RGS10: variants seen among roughly 807,000 people sequenced by gnomAD.
The protein encoded by RGS10 is regulator of G-protein signalling 10.
In RGS10, 11 loss-of-function variants were observed where a neutral mutation model predicts 23.5. That is an observed-to-expected ratio of 0.47 (90% CI 0.29 to 0.77). The LOEUF (loss-of-function observed/expected upper bound fraction) is 0.77. Ranked by LOEUF, RGS10 falls within the 30% of genes least tolerant of loss-of-function variation. The probability of loss-of-function intolerance (pLI) is 0.08; values close to 1 mark genes in which losing one functional copy is unlikely to be tolerated. For missense variants in RGS10, 180 were observed against 226.3 expected (o/e 0.80, Z 1.31); for synonymous variants, 77 against 83.2 (o/e 0.92, Z 0.41).
chr10:119,541,283 C>T (rs1844432919), intron 1 of RGS10, among the ~76,000 whole-genome samples: 1 of 152,202 alleles, frequency 6.6e-6, no homozygotes, highest in Non-Finnish European at 1.5e-5. Flanking sequence ...AATTCTTTGA[C>T]TCACATGCAA....
chr10:119,503,265 C>T (rs1012740217), intron 4 of RGS10, among the ~76,000 whole-genome samples: 3 of 150,878 alleles, frequency 2.0e-5, no homozygotes, highest in South Asian at 2.1e-4. Flanking sequence ...CCTAAGCCCG[C>T]GGAGGTTGAG....
chr10:119,525,919 A>T, intron 3 of RGS10, 113 bp downstream of exon 3: 1 of 551,550 alleles, frequency 1.8e-6, no homozygotes, highest in Non-Finnish European at 3.2e-6. Flanking sequence ...TCTGAAGCTT[A>T]AATCTTCCCC....
At chr10:119,541,647 A>C (rs1312687955) in intron 1 of RGS10, among the ~76,000 whole-genome samples, 1 of 152,200 alleles carries the variant, frequency 6.6e-6, no homozygotes, top group Non-Finnish European at 1.5e-5. Context: ...AGCGCCAAGC[A>C]GAAGTGAATC....
chr10:119,522,405 G>C (rs1488513031), intron 3 of RGS10, among the ~76,000 whole-genome samples: 1 of 152,142 alleles, frequency 6.6e-6, no homozygotes, highest in Non-Finnish European at 1.5e-5. Context: ...ATCCAGTTAG[G>C]TTACGTGCAC....
chr10:119,500,374 G>C, intron 4 of RGS10, 115 bp from the exon 5 acceptor site: 1 of 930,396 alleles, frequency 1.1e-6, no homozygotes, highest in Non-Finnish European at 1.5e-6. Context: ...CATGTGCAAA[G>C]AACACACTAA....
At chr10:119,525,069 AT>A (rs888929571) in intron 3 of RGS10, among the ~76,000 whole-genome samples, 7 of 152,038 alleles carry the variant, frequency 4.6e-5, no homozygotes, top group South Asian at 2.1e-4. Flanking sequence ...AAGGTTTTAA[AT>A]TTTTTTTTAA....
chr10:119,505,020 C>A (rs1045182295), intron 4 of RGS10, among the ~76,000 whole-genome samples: 1 of 152,154 alleles, frequency 6.6e-6, no homozygotes, highest in Non-Finnish European at 1.5e-5. Context: ...TTTCACCTCA[C>A]CCCGGCTCAA....
At position 119,542,516 on chromosome 10, in the gene RGS10, A is replaced by G. The variant is rs879640174; in HGVS notation, c.49+74T>C. ...TACCACCGAGCCGCGCCCGAGCACAAGAGGGAGGGCAGGAGGCCGGGCGGG... is the reference window on the plus strand; with the variant it reads ...TACCACCGAGCCGCGCCCGAGCACAGGAGGGAGGGCAGGAGGCCGGGCGGG... On this transcript the variant is annotated intron_variant, in intron 1 of 4. Transcript: ENST00000369103. 7.3e-5 allele frequency: 94 copies of G among 1,280,860 alleles called. 2 individuals are homozygous for G. The African/African-American group carries it at 1.3e-3, about 18-fold the overall frequency. The allele number at this position is 1,280,860 out of a possible 1,614,324, so 79.3% of individuals were successfully genotyped here.
intron 4 of RGS10, among the ~76,000 whole-genome samples, chr10:119,511,438 G>C (rs2133948159): frequency 6.6e-6 from 1 of 152,250 alleles, no homozygotes; most frequent in East Asian, 1.9e-4. Context: ...GGACAACATG[G>C]AGAAATGCCA....
At chr10:119,508,337 A>C (rs1273075371) in intron 4 of RGS10, among the ~76,000 whole-genome samples, 1 of 152,144 alleles carries the variant, frequency 6.6e-6, no homozygotes, top group African/African-American at 2.4e-5. Context: ...GGGACCCCTG[A>C]TATTCATGGA....
At chr10:119,519,213 C>G (rs568563078) in intron 3 of RGS10, among the ~76,000 whole-genome samples, 19 of 152,310 alleles carry the variant, frequency 1.2e-4, no homozygotes, top group Admixed American at 3.3e-4. Context: ...ACTTTCTTCT[C>G]TTCCCGCTTC....
chr10:119,542,070 G>C (rs1260014475), intron 1 of RGS10, among the ~76,000 whole-genome samples: 3 of 152,182 alleles, frequency 2.0e-5, no homozygotes, highest in African/African-American at 4.8e-5. Context: ...CTCCATCCTG[G>C]GGTTCCGCCA....
At chr10:119,508,976 C>T (rs1308273193) in intron 4 of RGS10, among the ~76,000 whole-genome samples, 1 of 151,886 alleles carries the variant, frequency 6.6e-6, no homozygotes, top group Non-Finnish European at 1.5e-5. Context: ...TGGCACATGC[C>T]TATAGTCCCA....
intron 1 of RGS10, among the ~76,000 whole-genome samples, chr10:119,541,344 C>A (rs1483013515): frequency 6.6e-6 from 1 of 152,182 alleles, no homozygotes; most frequent in Non-Finnish European, 1.5e-5. Context: ...TTAGTACTTG[C>A]CGGGCAACAA....
chr10:119,499,959 A>T lies in RGS10; in HGVS notation c.*154T>A. ...TATGTTAGCTTAGCCATCATGCAAA[A>T]TTTACTGGTGAAGCAGTTAATAAAA... On this transcript the variant is annotated 3_prime_UTR_variant, in exon 5 of 5. Coordinates refer to ENST00000369103, the MANE Select transcript of RGS10 (RefSeq NM_001005339.2). 1 of 652,618 alleles carries T rather than the reference A, an allele frequency of 1.5e-6. No homozygotes were observed. Among genetic ancestry groups the T allele is most frequent in the Non-Finnish European group, 2.5e-6 (1 of 406,214 alleles). The allele number at this position is 652,618 out of a possible 1,614,324, so 40.4% of individuals were successfully genotyped here.
intron 4 of RGS10, among the ~76,000 whole-genome samples, chr10:119,501,654 C>G (rs2991777): frequency 0.057 from 8,658 of 152,018 alleles, 361 homozygotes; most frequent in East Asian, 0.2. Flanking sequence ...ACCCAGGAGG[C>G]AAAGGCTGCA....
In RGS10 at chr10:119,534,297, AAATAAAT is replaced by A. The variant is rs1443309415; in HGVS notation, c.50-6880_50-6874del. Among the ~76,000 whole-genome samples the A allele has an allele frequency of 8.5e-3, 888 of 104,090 alleles. 5 individuals carry two copies. Among genetic ancestry groups the A allele is most frequent in the Non-Finnish European group, 0.015 (622 of 41,116 alleles). The allele number at this position is 104,090 out of a possible 152,430, so 68.3% of individuals were successfully genotyped here. ...TAAATAAATAAATAAATAAATAAATAAATAAATAAAAAAGGCCAGGCACTGTGGCTCA... is the reference window on the plus strand; with the variant it reads ...TAAATAAATAAATAAATAAATAAATAAAAAAAGGCCAGGCACTGTGGCTCA... On this transcript the variant is annotated intron_variant, in intron 1 of 4. Coordinates refer to ENST00000369103, the MANE Select transcript of RGS10 (RefSeq NM_001005339.2).
chr10:119,518,043 G>C (rs930705071), intron 3 of RGS10, among the ~76,000 whole-genome samples: 5 of 152,216 alleles, frequency 3.3e-5, no homozygotes, highest in African/African-American at 1.2e-4. Context: ...GGGAAGGCCT[G>C]GTGTCTAGGC....
intron 4 of RGS10, among the ~76,000 whole-genome samples, chr10:119,506,691 C>T (rs1247754581): frequency 1.3e-5 from 2 of 152,120 alleles, no homozygotes; most frequent in East Asian, 3.9e-4. Context: ...TCCTCTTCCC[C>T]CAAATACTTT....
Sources: allele counts gnomAD v4.1 joint callset (sites outside exome capture counted in the v4.1 genomes callset), GRCh38; gene constraint gnomAD v4.1.1; transcripts MANE v1.5; gene names NCBI Gene and HGNC (gene_info 2026-07-23, HGNC 2026-07-21).